Variants in SNX6 observed in about 807,000 individuals in gnomAD.
SNX6 encodes sorting nexin 6.
Under a neutral mutation model 63.0 loss-of-function variants are expected in SNX6, and 34 were observed. That is an observed-to-expected ratio of 0.54 (90% CI 0.41 to 0.72). The LOEUF is 0.72. Ranked by LOEUF, SNX6 falls within the 30% of genes least tolerant of loss-of-function variation. The pLI, the probability that SNX6 is intolerant of heterozygous loss-of-function variation, is 0.00. For missense variants in SNX6, 398 were observed against 471.4 expected, an observed-to-expected ratio of 0.84 and a Z score of 1.44; for synonymous variants, 170 against 164.2, an observed-to-expected ratio of 1.04 and a Z score of -0.27.
chr14:34,609,344 G>A (rs1883134209), intron 3 of SNX6, among the ~76,000 whole-genome samples: 1 of 151,724 alleles, frequency 6.6e-6, no homozygotes, highest in South Asian at 2.1e-4. Context: ...AGCCGGACAT[G>A]GTGGTGGACG....
chr14:34,569,159 A>G (rs1283729501), intron 11 of SNX6: 1 of 767,134 alleles, frequency 1.3e-6, no homozygotes, highest in South Asian at 1.4e-5. Context: ...ACTGCCAGCC[A>G]GGGGAAAGGG....
intron 13 of SNX6, among the ~76,000 whole-genome samples, chr14:34,566,112 G>A (rs947118342): frequency 6.6e-6 from 1 of 152,032 alleles, no homozygotes; most frequent in Non-Finnish European, 1.5e-5. Context: ...TAAAAAAAAA[G>A]AAAAACAATG....
chr14:34,627,956 T>C (rs1471980107), intron 2 of SNX6, among the ~76,000 whole-genome samples: 5 of 152,226 alleles, frequency 3.3e-5, no homozygotes, highest in Non-Finnish European at 5.9e-5. Context: ...AGTAATTCTA[T>C]ATGATGCTTT....
chr14:34,588,631 C>T (rs537022938), intron 8 of SNX6, among the ~76,000 whole-genome samples: 1 of 152,196 alleles, frequency 6.6e-6, no homozygotes, highest in East Asian at 1.9e-4. Flanking sequence ...AAGATCTATA[C>T]AATGAAAACT....
intron 2 of SNX6, chr14:34,629,527 G>C: frequency 2.0e-6 from 1 of 512,330 alleles, no homozygotes; most frequent in Non-Finnish European, 3.8e-6. Context: ...GGTGAAAATT[G>C]AGGGTGCCGC....
chr14:34,566,606 A>C (rs1389478952), intron 13 of SNX6, among the ~76,000 whole-genome samples: 1 of 152,252 alleles, frequency 6.6e-6, no homozygotes, highest in East Asian at 1.9e-4. Context: ...AGATTCTTTC[A>C]GAGCTGACCA....
intron 11 of SNX6, among the ~76,000 whole-genome samples, chr14:34,569,741 T>C (rs1381995972): frequency 6.6e-6 from 1 of 152,216 alleles, no homozygotes; most frequent in Non-Finnish European, 1.5e-5. Context: ...CACTCCTTTC[T>C]ACTGCTGAGT....
chr14:34,594,832 C>T (rs1882535880), intron 7 of SNX6, among the ~76,000 whole-genome samples: 2 of 152,094 alleles, frequency 1.3e-5, no homozygotes, highest in Admixed American at 1.3e-4. Context: ...TACAGTGGCT[C>T]ACACCTGTAA....
intron 13 of SNX6, among the ~76,000 whole-genome samples, chr14:34,564,316 T>C (rs897084940): frequency 3.3e-5 from 5 of 152,056 alleles, no homozygotes; most frequent in Admixed American, 6.6e-5. Flanking sequence ...GGGTGAGCCA[T>C]GGCACCCAGC....
chr14:34,625,470 C>T (rs1317816854), intron 2 of SNX6, among the ~76,000 whole-genome samples: 1 of 152,122 alleles, frequency 6.6e-6, no homozygotes, highest in Non-Finnish European at 1.5e-5. Context: ...CGGTGGCTCA[C>T]ACCTGTAATC....
intron 13 of SNX6, among the ~76,000 whole-genome samples, chr14:34,566,350 T>C (rs562823926): frequency 6.6e-6 from 1 of 152,190 alleles, no homozygotes; most frequent in Admixed American, 6.5e-5. Context: ...GTAGCTGGGA[T>C]TACAGGCGCC....
At chr14:34,614,951 T>G (rs1332162013) in intron 2 of SNX6, among the ~76,000 whole-genome samples, 1 of 152,196 alleles carries the variant, frequency 6.6e-6, no homozygotes, top group Non-Finnish European at 1.5e-5. Context: ...TTCAGATTTT[T>G]TTTTTTAACT....
At chr14:34,627,128 TACC>T (rs1417997050) in intron 2 of SNX6, among the ~76,000 whole-genome samples, 1 of 152,052 alleles carries the variant, frequency 6.6e-6, no homozygotes, top group Non-Finnish European at 1.5e-5. Flanking sequence ...TACAGGTATA[TACC>T]ACCAAGCTTG....
intron 3 of SNX6, 145 bp from the exon 4 acceptor site, chr14:34,608,285 C>T (rs1308040781): frequency 1.6e-5 from 8 of 497,532 alleles, no homozygotes; most frequent in African/African-American, 3.9e-5. Flanking sequence ...TCAAGCAATC[C>T]TCCCACCTCA....
chr14:34,564,389 A>C (rs1881074169), intron 13 of SNX6, among the ~76,000 whole-genome samples: 1 of 152,124 alleles, frequency 6.6e-6, no homozygotes, highest in South Asian at 2.1e-4. Context: ...ACCATAGAAC[A>C]CCCAGTTGTG....
chr14:34,582,628 C>A (rs1021337902), intron 9 of SNX6, among the ~76,000 whole-genome samples: 3 of 152,114 alleles, frequency 2.0e-5, no homozygotes, highest in Non-Finnish European at 1.5e-5. Context: ...TCACTGCAAC[C>A]TCCACCTCCT....
intron 9 of SNX6, among the ~76,000 whole-genome samples, chr14:34,585,189 T>C (rs1882103993): frequency 6.6e-6 from 1 of 152,132 alleles, no homozygotes; most frequent in African/African-American, 2.4e-5. Flanking sequence ...TTATTATCAA[T>C]GTGTTTTGAC....
At chr14:34,588,232 C>A (rs1566475290) in intron 8 of SNX6, among the ~76,000 whole-genome samples, 1 of 152,224 alleles carries the variant, frequency 6.6e-6, no homozygotes, top group South Asian at 2.1e-4. Flanking sequence ...TGGTATCGAT[C>A]TCTTGACCTT....
In SNX6 at chr14:34,562,791, AAAT is replaced by A. The variant is rs1880986819; in HGVS notation, c.*328_*330del. The A allele has an allele frequency of 8.2e-6, 2 of 243,702 alleles. No individual in the cohort carries two copies. Among genetic ancestry groups the A allele is most frequent in the South Asian group, 3.0e-4 (2 of 6,656 alleles). 15.1% of individuals were successfully genotyped at this position (243,702 alleles called of 1,614,324 possible). ...TAAATTTCAGAAATTATTTAAAGGTAAATAAGAGTGGCAGCCATAAGGAATACT... is the reference window on the plus strand; with the variant it reads ...TAAATTTCAGAAATTATTTAAAGGTAAAGAGTGGCAGCCATAAGGAATACT... On this transcript the variant is annotated 3_prime_UTR_variant, in exon 14 of 14. Transcript: ENST00000362031.
Sources: allele counts gnomAD v4.1 joint callset (sites outside exome capture counted in the v4.1 genomes callset), GRCh38; gene constraint gnomAD v4.1.1; transcripts MANE v1.5; gene names NCBI Gene and HGNC (gene_info 2026-07-23, HGNC 2026-07-21).